The following FBXW7 variants were observed in gnomAD, a reference collection of about 807,000 sequenced individuals.
FBXW7 encodes the protein F-box/WD repeat-containing protein 7.
FBXW7 carries 11 observed loss-of-function variants against 86.3 expected under a neutral mutation model. The observed-to-expected ratio is 0.13, with a 90% CI of 0.08 to 0.21. The LOEUF is 0.21. Among genes scored for constraint, FBXW7 ranks in the 10% least tolerant of loss-of-function variants. The pLI is 1.00. For missense variants in FBXW7, 488 were observed against 847.4 expected, an observed-to-expected ratio of 0.58 and a Z score of 5.27; for synonymous variants, 313 against 297.9, an observed-to-expected ratio of 1.05 and a Z score of -0.52.
chr4:152,391,224 G>A (rs1735967768), intron 4 of FBXW7, among the ~76,000 whole-genome samples: 2 of 152,026 alleles, frequency 1.3e-5, no homozygotes, highest in Non-Finnish European at 2.9e-5. Flanking sequence ...CAGAAAACAA[G>A]TATAAGATTA....
At chr4:152,527,903 T>C (rs202008929) in intron 2 of FBXW7, among the ~76,000 whole-genome samples, 2,285 of 93,894 alleles carry the variant, frequency 0.024, 41 homozygotes, top group African/African-American at 0.054. Flanking sequence ...CACACACACA[T>C]ATATATACAC....
chr4:152,382,603 G>A (rs774916832), intron 4 of FBXW7: 1 of 557,942 alleles, frequency 1.8e-6, no homozygotes, highest in Non-Finnish European at 2.4e-6. Context: ...CAAACAGCTG[G>A]TGAACCTCTC....
chr4:152,335,211 G>A (rs1296909924), intron 7 of FBXW7, among the ~76,000 whole-genome samples: 3 of 152,102 alleles, frequency 2.0e-5, no homozygotes, highest in African/African-American at 7.2e-5. Context: ...TAGGAAGTGA[G>A]GTGTTTGGAA....
At chr4:152,470,631 G>A (rs1405391040) in intron 2 of FBXW7, among the ~76,000 whole-genome samples, 1 of 152,088 alleles carries the variant, frequency 6.6e-6, no homozygotes. Flanking sequence ...AAAGCTAGCG[G>A]TTAATAATTT....
chr4:152,439,603 G>C (rs6852336), intron 2 of FBXW7, among the ~76,000 whole-genome samples: 70,853 of 151,846 alleles, frequency 0.47, 19,524 homozygotes, highest in African/African-American at 0.77. Context: ...CGGTGGCTCA[G>C]GCCTGTAATC....
At chr4:152,521,882 G>T (rs1380189317) in intron 2 of FBXW7, among the ~76,000 whole-genome samples, 1 of 142,080 alleles carries the variant, frequency 7.0e-6, no homozygotes, top group Admixed American at 7.4e-5. Context: ...GCAATGGCGC[G>T]ATCTCAGCTC....
intron 2 of FBXW7, among the ~76,000 whole-genome samples, chr4:152,433,023 T>C (rs551536395): frequency 1.3e-5 from 2 of 152,350 alleles, no homozygotes; most frequent in South Asian, 4.1e-4. Context: ...TAATTCAGCA[T>C]ACTGTTTTTG....
intron 4 of FBXW7, among the ~76,000 whole-genome samples, chr4:152,372,155 T>C (rs1206175624): frequency 1.3e-5 from 2 of 151,992 alleles, no homozygotes; most frequent in African/African-American, 4.8e-5. Flanking sequence ...TATCATTGTA[T>C]TATATGGTTA....
At chr4:152,342,288 A>AG (rs1384810301) in intron 6 of FBXW7, among the ~76,000 whole-genome samples, 1 of 152,214 alleles carries the variant, frequency 6.6e-6, no homozygotes, top group Non-Finnish European at 1.5e-5. Flanking sequence ...GGGCTTCACC[A>AG]GGAAACTCAC....
intron 2 of FBXW7, among the ~76,000 whole-genome samples, chr4:152,434,601 G>C (rs575086783): frequency 3.9e-5 from 6 of 152,240 alleles, no homozygotes; most frequent in Non-Finnish European, 8.8e-5. Context: ...AAAGAGAAAA[G>C]AGAGGTTCTT....
intron 2 of FBXW7, among the ~76,000 whole-genome samples, chr4:152,451,492 C>T (rs1266866322): frequency 3.3e-5 from 5 of 152,158 alleles, no homozygotes; most frequent in Non-Finnish European, 5.9e-5. Context: ...TATAGTTCCC[C>T]TAAAGGTAAA....
intron 2 of FBXW7, among the ~76,000 whole-genome samples, chr4:152,510,039 C>G (rs920928774): frequency 6.6e-6 from 1 of 152,112 alleles, no homozygotes; most frequent in African/African-American, 2.4e-5. Flanking sequence ...TAACACTTAC[C>G]TAAATATAGC....
intron 2 of FBXW7, among the ~76,000 whole-genome samples, chr4:152,435,772 T>C (rs1053898403): frequency 6.6e-6 from 1 of 152,244 alleles, no homozygotes; most frequent in African/African-American, 2.4e-5. Flanking sequence ...GGCAATCCTA[T>C]GTTGAGCAAG....
chr4:152,432,514 C>T (rs75321736), intron 2 of FBXW7, among the ~76,000 whole-genome samples: 4,670 of 152,126 alleles, frequency 0.031, 120 homozygotes, highest in African/African-American at 0.062. Context: ...AATCAAGACA[C>T]AGAATATTTC....
At chr4:152,384,543 T>C (rs1474640745) in intron 4 of FBXW7, among the ~76,000 whole-genome samples, 1 of 152,020 alleles carries the variant, frequency 6.6e-6, no homozygotes, top group Non-Finnish European at 1.5e-5. Context: ...AGAGTTAGTG[T>C]TTAGTTGGCA....
Position 152,439,861 on chromosome 4 carries a change from G to A in FBXW7, c.-119-27332C>T, listed in dbSNP as rs761997776. ...AGCCTGGGTGACAGAGCAAGACTCCGTCACAAAAAAAAAAAAAAAAAAAAA... is the reference window on the plus strand; with the variant it reads ...AGCCTGGGTGACAGAGCAAGACTCCATCACAAAAAAAAAAAAAAAAAAAAA... On this transcript the variant is annotated intron_variant, in intron 2 of 13. Coordinates refer to ENST00000281708, the MANE Select transcript of FBXW7 (RefSeq NM_001349798.2). Among the ~76,000 whole-genome samples the A allele has an allele frequency of 1.1e-3, 128 of 116,638 alleles. 1 individual carries two copies. Among genetic ancestry groups the A allele is most frequent in the Non-Finnish European group, 1.7e-3 (105 of 60,054 alleles). The allele number at this position is 116,638 out of a possible 152,430, so 76.5% of individuals were successfully genotyped here. A position where few individuals can be genotyped will look rare whatever the true frequency, so the allele number is the denominator to read the frequency against.
chr4:152,440,934 G>GT (rs766638263), intron 2 of FBXW7, among the ~76,000 whole-genome samples: 4,080 of 145,262 alleles, frequency 0.028, 96 homozygotes, highest in East Asian at 0.07. Context: ...AGTTTATACG[G>GT]TTTTTTTTTT....
chr4:152,398,794 G>A (rs1191056028), intron 4 of FBXW7, among the ~76,000 whole-genome samples: 5 of 151,960 alleles, frequency 3.3e-5, no homozygotes, highest in African/African-American at 9.7e-5. Context: ...GCCAAAGATA[G>A]AATTGAGATT....
intron 2 of FBXW7, among the ~76,000 whole-genome samples, chr4:152,437,602 G>C (rs770711170): frequency 1.3e-5 from 2 of 152,102 alleles, no homozygotes; most frequent in African/African-American, 2.4e-5. Context: ...ATAAACCAGC[G>C]GCAGGATTTG....
Sources: gnomAD v4.1 joint callset for allele counts (sites outside exome capture counted in the v4.1 genomes callset) on GRCh38, gnomAD v4.1.1 for gene constraint, MANE v1.5 for transcripts, NCBI Gene and HGNC (gene_info 2026-07-23, HGNC 2026-07-21) for gene names.